NHSL1: variants seen among roughly 807,000 people sequenced by gnomAD.
The protein encoded by NHSL1 is NHS-like protein 1.
In NHSL1, 48 loss-of-function variants were observed where a neutral mutation model predicts 95.0. That is an observed-to-expected ratio of 0.51 (90% CI 0.40 to 0.64). The LOEUF (loss-of-function observed/expected upper bound fraction) is 0.64, where lower values mean the gene tolerates loss of function less well. Ranked by LOEUF, NHSL1 falls within the 30% of genes least tolerant of loss-of-function variation. NHSL1 has a pLI of 0.00. For missense variants in NHSL1, 1,971 were observed against 2,077.7 expected (o/e 0.95, Z 1.00); for synonymous variants, 783 against 833.9 (o/e 0.94, Z 1.05).
chr6:138,473,511 T>G (rs1403061228), intron 2 of NHSL1, 78 bp from the exon 3 acceptor site: 2 of 1,295,426 alleles, frequency 1.5e-6, no homozygotes, highest in Non-Finnish European at 2.0e-6. Context: ...CGTTTACTCC[T>G]CTTTTTTACT....
intron 1 of NHSL1, among the ~76,000 whole-genome samples, chr6:138,539,304 T>G (rs1782486402): frequency 6.6e-6 from 1 of 152,210 alleles, no homozygotes; most frequent in African/African-American, 2.4e-5. Flanking sequence ...ATTAATTGCT[T>G]AAAGACCCTC....
intron 1 of NHSL1, among the ~76,000 whole-genome samples, chr6:138,618,487 G>A (rs1432218718): frequency 6.6e-6 from 1 of 152,216 alleles, no homozygotes; most frequent in Non-Finnish European, 1.5e-5. Flanking sequence ...TAAGCTGAGA[G>A]CAACGGTTTT....
chr6:138,430,329 C>A lies in NHSL1; in HGVS notation c.3952+64G>T. ...TTCCACGTGTGAGCATTCAACAACC[C>A]TATCTGGTTCAGCTGCATATGGGCA... On this transcript the variant is annotated intron_variant, in intron 6 of 7. Transcript: ENST00000343505. The surrounding 1 kb of genome is among the most constrained non-coding windows in gnomAD (Gnocchi z 4.7). 2.1e-6 allele frequency: 3 copies of A among 1,427,302 alleles called. No homozygotes were observed. The highest frequency in any genetic ancestry group is 1.7e-5 in the South Asian group (1 of 59,278). 88.4% of individuals were successfully genotyped at this position (1,427,302 alleles called of 1,614,324 possible). A position where few individuals can be genotyped will look rare whatever the true frequency, so the allele number is the denominator to read the frequency against.
intron 2 of NHSL1, among the ~76,000 whole-genome samples, chr6:138,483,173 A>C (rs1779528089): frequency 6.6e-6 from 1 of 152,246 alleles, no homozygotes; most frequent in Admixed American, 6.5e-5. Flanking sequence ...AAAGAGGAGA[A>C]GTCTTCTCTA....
upstream of NHSL1, among the ~76,000 whole-genome samples, chr6:138,576,138 C>T (rs1344606777): frequency 1.3e-5 from 2 of 152,006 alleles, no homozygotes; most frequent in African/African-American, 2.4e-5. Context: ...ACTACAGGCG[C>T]GCATCTCCAC....
intron 1 of NHSL1, among the ~76,000 whole-genome samples, chr6:138,528,269 G>C (rs986835838): frequency 6.6e-6 from 1 of 152,026 alleles, no homozygotes. Flanking sequence ...AGAAGCAAAG[G>C]AGAGCTGCAG....
rs1051219790 is a variant in NHSL1, at chr6:138,432,519, G to A, written c.1826C>T (p.Ala609Val). The A allele has an allele frequency of 1.3e-6, 2 of 1,552,184 alleles. No individual in the cohort carries two copies. Among genetic ancestry groups the A allele is most frequent in the South Asian group, 1.2e-5 (1 of 84,058 alleles). The change falls in exon 6 of 8, where the codon GCA becomes GTA. Residue 609 changes from alanine (A) to valine (V), a missense_variant. Ala to Val is a moderately conservative substitution (Grantham distance 64, BLOSUM62 0). Coordinates refer to ENST00000343505, the MANE Select transcript of NHSL1 (RefSeq NM_001144060.2). This position sits in a 1 kb window ranked among gnomAD's most constrained non-coding sequence, Gnocchi z 4.4. ...ATGTCCAGAGTCAGTGTGCACAGAT[G>A]CACAGTAGCCATCGTGGTCCTCAGA... The part of the protein sequence containing the change: ...LYSEDHDGYC[A>V]SVHTDSGHGS...
chr6:138,493,469 C>G (rs1780186370), intron 2 of NHSL1, among the ~76,000 whole-genome samples: 1 of 152,194 alleles, frequency 6.6e-6, no homozygotes, highest in Non-Finnish European at 1.5e-5. Context: ...GGAGAAAAGT[C>G]AAGTCCTGAT....
At chr6:138,526,004 A>G (rs1337769829) in intron 1 of NHSL1, among the ~76,000 whole-genome samples, 1 of 151,656 alleles carries the variant, frequency 6.6e-6, no homozygotes, top group Non-Finnish European at 1.5e-5. Flanking sequence ...GAGGCATGAG[A>G]ATCGCTTGAA....
In NHSL1 at chr6:138,613,581, T is replaced by A. The variant is rs115172726; in HGVS notation, c.96+78895A>T. 9.9e-3 allele frequency among the ~76,000 whole-genome samples: 1,500 copies of A among 152,050 alleles called. 28 individuals carry two copies. Among genetic ancestry groups the A allele is most frequent in the African/African-American group, 0.033 (1,386 of 41,470 alleles). On this transcript the variant is annotated intron_variant, in intron 1 of 3. Transcript: ENST00000491526. ...AAGTGGAGAGCTGGAACTGAACAAA[T>A]CCCCCATGGCCATGCCACCTGTCCA... is the stretch of plus-strand genomic sequence containing the variant.
intron 1 of NHSL1, among the ~76,000 whole-genome samples, chr6:138,523,072 A>G (rs766704122): frequency 7.4e-5 from 11 of 147,666 alleles, no homozygotes; most frequent in Admixed American, 2.0e-4. Context: ...GTAGTCTACC[A>G]TCAACTAACT....
At chr6:138,591,348 A>C (rs1317576374) in intron 1 of NHSL1, among the ~76,000 whole-genome samples, 2 of 152,240 alleles carry the variant, frequency 1.3e-5, no homozygotes, top group African/African-American at 4.8e-5. Context: ...CAGGTACCTG[A>C]GGTTAACTGT....
chr6:138,656,130 G>A (rs934507628), intron 1 of NHSL1, among the ~76,000 whole-genome samples: 2 of 151,996 alleles, frequency 1.3e-5, no homozygotes, highest in East Asian at 1.9e-4. Flanking sequence ...CTTAAGCACC[G>A]GTCCTCGATG....
chr6:138,434,803 C>A (rs1325783137), intron 5 of NHSL1, among the ~76,000 whole-genome samples: 2 of 152,136 alleles, frequency 1.3e-5, no homozygotes, highest in African/African-American at 4.8e-5. Flanking sequence ...CCTCTCCCAA[C>A]ACATAATCTA....
intron 1 of NHSL1, among the ~76,000 whole-genome samples, chr6:138,596,897 G>T (rs941593168): frequency 6.6e-6 from 1 of 152,084 alleles, no homozygotes; most frequent in African/African-American, 2.4e-5. Flanking sequence ...CTCTCAAGCA[G>T]AGTTTGAAGT....
chr6:138,636,791 T>C (rs1228214785), intron 1 of NHSL1, among the ~76,000 whole-genome samples: 2 of 152,214 alleles, frequency 1.3e-5, no homozygotes, highest in East Asian at 3.9e-4. Flanking sequence ...ATATTCCACG[T>C]TCATGGATTG....
chr6:138,499,771 A>G (rs886427860), upstream of NHSL1, among the ~76,000 whole-genome samples: 20 of 152,194 alleles, frequency 1.3e-4, no homozygotes, highest in African/African-American at 4.8e-4. Context: ...GATCTTTTAC[A>G]GGAGCTGCCA....
At chr6:138,536,221 T>C (rs1334814259) in intron 1 of NHSL1, among the ~76,000 whole-genome samples, 1 of 152,152 alleles carries the variant, frequency 6.6e-6, no homozygotes, top group Non-Finnish European at 1.5e-5. Context: ...ACACCAACAA[T>C]GGATCCATTC....
At chr6:138,521,216 C>G (rs1330814255) in intron 1 of NHSL1, among the ~76,000 whole-genome samples, 5 of 152,094 alleles carry the variant, frequency 3.3e-5, no homozygotes, top group Non-Finnish European at 1.5e-5. Context: ...AAGCCTCCCC[C>G]AGGCCAGGCG....
Sources: gnomAD v4.1 joint callset for allele counts (sites outside exome capture counted in the v4.1 genomes callset) on GRCh38, gnomAD v4.1.1 for gene constraint, Gnocchi (gnomAD v3.1) non-coding constraint, MANE v1.5 for transcripts, NCBI Gene and HGNC (gene_info 2026-07-23, HGNC 2026-07-21) for gene names.